Variants in TENM4 observed in about 807,000 individuals in gnomAD.
The protein encoded by TENM4 is teneurin-4.
In TENM4, 82 loss-of-function variants were observed where a neutral mutation model predicts 243.3. That is an observed-to-expected ratio of 0.34 (90% confidence interval 0.28 to 0.40). TENM4 has a LOEUF of 0.40. Among genes scored for constraint, TENM4 ranks in the 10% least tolerant of loss-of-function variants. The probability of loss-of-function intolerance (pLI) is 1.00; values close to 1 mark genes in which losing one functional copy is unlikely to be tolerated. For synonymous variants in TENM4, 1,412 were observed against 1,456.3 expected (o/e 0.97, Z 0.69); for missense variants, 3,138 against 3,673.3 (o/e 0.85, Z 3.77).
At chr11:78,887,505 A>C (rs1461421769) in intron 9 of TENM4, among the ~76,000 whole-genome samples, 1 of 152,254 alleles carries the variant, frequency 6.6e-6, no homozygotes, top group Non-Finnish European at 1.5e-5. Flanking sequence ...CTTAGCATAG[A>C]GCCTGGCTCA....
intron 1 of TENM4, among the ~76,000 whole-genome samples, chr11:79,324,213 A>C (rs1474345717): frequency 6.6e-6 from 1 of 150,608 alleles, no homozygotes; most frequent in Non-Finnish European, 1.5e-5. Flanking sequence ...CTTTTCCTTT[A>C]TTTAAAATTT....
chr11:78,786,075 G>A (rs1192466863), intron 16 of TENM4, among the ~76,000 whole-genome samples: 2 of 152,212 alleles, frequency 1.3e-5, no homozygotes, highest in African/African-American at 4.8e-5. Context: ...CTTTTGGTGA[G>A]TGCTCATTCC....
At chr11:79,076,889 T>C (rs1455917931) in intron 4 of TENM4, among the ~76,000 whole-genome samples, 1 of 152,202 alleles carries the variant, frequency 6.6e-6, no homozygotes, top group Non-Finnish European at 1.5e-5. Context: ...CTTTTATTCT[T>C]TATTTTCTCT....
At chr11:78,838,375 T>C (rs1858168550) in intron 12 of TENM4, among the ~76,000 whole-genome samples, 1 of 151,178 alleles carries the variant, frequency 6.6e-6, no homozygotes, top group African/African-American at 2.5e-5. Context: ...TCTTATTTTG[T>C]AAGTTTTATA....
chr11:78,926,617 T>C (rs1476014529), intron 6 of TENM4, among the ~76,000 whole-genome samples: 2 of 151,986 alleles, frequency 1.3e-5, no homozygotes, highest in Non-Finnish European at 2.9e-5. Flanking sequence ...AATGTAACTT[T>C]TAAAATTTTG....
intron 4 of TENM4, among the ~76,000 whole-genome samples, chr11:79,129,304 G>A (rs1194295378): frequency 2.6e-5 from 4 of 152,164 alleles, no homozygotes; most frequent in African/African-American, 9.7e-5. Flanking sequence ...GTGGGTTGGG[G>A]GAACTCCACA....
intron 6 of TENM4, among the ~76,000 whole-genome samples, chr11:78,990,876 T>A (rs1397298364): frequency 2.6e-5 from 4 of 152,222 alleles, no homozygotes; most frequent in African/African-American, 9.7e-5. Flanking sequence ...GTTCTTTGAC[T>A]TTTTCAACTA....
At chr11:78,993,582 T>C (rs1410806613) in intron 6 of TENM4, among the ~76,000 whole-genome samples, 1 of 152,204 alleles carries the variant, frequency 6.6e-6, no homozygotes, top group African/African-American at 2.4e-5. Context: ...CTGCTTCAGT[T>C]TGGATAGTTT....
Position 78,654,780 on chromosome 11 carries a change from C to T in TENM4, c.*3278G>A, listed in dbSNP as rs1169852359. 6.6e-6 allele frequency: 1 copy of T among 152,038 alleles called. No homozygotes were observed. Among genetic ancestry groups the T allele is most frequent in the Non-Finnish European group, 1.5e-5 (1 of 68,052 alleles). 9.4% of individuals were successfully genotyped at this position (152,038 alleles called of 1,614,324 possible). ...ATGCCTTCCCCTTCCTCCAGTCTGC[C>T]CTCCAGCAATGTCTGTTTGGGGTGT... is the stretch of plus-strand genomic sequence containing the variant. On this transcript the variant is annotated 3_prime_UTR_variant, in exon 34 of 34. Transcript: ENST00000278550.
chr11:79,272,070 G>A (rs975252091), intron 2 of TENM4, among the ~76,000 whole-genome samples: 1 of 152,172 alleles, frequency 6.6e-6, no homozygotes, highest in Non-Finnish European at 1.5e-5. Flanking sequence ...TGGCAAAATA[G>A]GGATTTTCAG....
chr11:79,387,095 A>G (rs1858131819), intron 1 of TENM4, among the ~76,000 whole-genome samples: 2 of 152,238 alleles, frequency 1.3e-5, no homozygotes, highest in Admixed American at 1.3e-4. Context: ...GACTCTATGG[A>G]GCAACGTGGA....
chr11:79,168,189 A>T (rs1862958624), intron 3 of TENM4, among the ~76,000 whole-genome samples: 1 of 152,174 alleles, frequency 6.6e-6, no homozygotes, highest in African/African-American at 2.4e-5. Context: ...GCTGGACCTC[A>T]AGCCATCCCT....
intron 3 of TENM4, among the ~76,000 whole-genome samples, chr11:79,190,281 T>C (rs371913382): frequency 1.6e-4 from 25 of 152,330 alleles, no homozygotes; most frequent in African/African-American, 5.5e-4. Flanking sequence ...ACTGTGTTTA[T>C]GTCTCAAGTC....
At chr11:78,867,834 A>G (rs1269010255) in intron 9 of TENM4, among the ~76,000 whole-genome samples, 1 of 152,214 alleles carries the variant, frequency 6.6e-6, no homozygotes, top group African/African-American at 2.4e-5. Context: ...CAGAGCTGGT[A>G]GAAATTTGAG....
intron 6 of TENM4, among the ~76,000 whole-genome samples, chr11:78,955,292 C>T (rs890699777): frequency 2.6e-5 from 4 of 152,222 alleles, no homozygotes; most frequent in Admixed American, 6.5e-5. Flanking sequence ...GAACGAGCTT[C>T]GGGAATGAGA....
chr11:79,030,959 G>A (rs1229195034), intron 6 of TENM4, among the ~76,000 whole-genome samples: 5 of 152,162 alleles, frequency 3.3e-5, no homozygotes, highest in Admixed American at 6.5e-5. Context: ...GAGAGAAAGT[G>A]GGGGGAAGGC....
chr11:78,854,021 C>G, intron 12 of TENM4, 83 bp downstream of exon 12: 3 of 1,339,462 alleles, frequency 2.2e-6, no homozygotes, highest in Non-Finnish European at 3.1e-6. Context: ...ATCCCCTTGT[C>G]AGTGTCAGTC....
At chr11:79,167,566 T>C (rs1011719422) in intron 3 of TENM4, among the ~76,000 whole-genome samples, 6 of 152,158 alleles carry the variant, frequency 3.9e-5, no homozygotes, top group Non-Finnish European at 5.9e-5. Context: ...CAGCAGAAAC[T>C]GGGTAGTCTG....
chr11:79,183,737 G>A (rs954087803), intron 3 of TENM4, among the ~76,000 whole-genome samples: 6 of 152,018 alleles, frequency 3.9e-5, no homozygotes, highest in African/African-American at 1.4e-4. Context: ...TTTTCAAAAA[G>A]AAAGAAATAA....
Sources: gnomAD v4.1 joint callset for allele counts (sites outside exome capture counted in the v4.1 genomes callset) on GRCh38, gnomAD v4.1.1 for gene constraint, MANE v1.5 for transcripts, NCBI Gene and HGNC (gene_info 2026-07-23, HGNC 2026-07-21) for gene names.